PARM1: variants seen among roughly 807,000 people sequenced by gnomAD.
PARM1 encodes WSC4, cell wall integrity and stress response component 4 homolog.
A neutral mutation model predicts 24.6 loss-of-function variants in PARM1; 14 were observed. The ratio of observed to expected loss-of-function variants is 0.57; its 90% CI spans 0.38 to 0.89. PARM1 has a LOEUF of 0.89. PARM1 is among the 40% of genes least tolerant of loss of function. The probability of loss-of-function intolerance (pLI) is 0.00; values close to 1 mark genes in which losing one functional copy is unlikely to be tolerated. For synonymous variants in PARM1, 179 were observed against 156.6 expected (o/e 1.14, Z -1.07); for missense variants, 362 against 380.4 (o/e 0.95, Z 0.40).
chr4:75,029,293 T>C (rs552633896), intron 2 of PARM1, among the ~76,000 whole-genome samples: 3 of 152,184 alleles, frequency 2.0e-5, no homozygotes, highest in Non-Finnish European at 4.4e-5. Context: ...TCTGGCTGCT[T>C]CCAGGATGTT....
At chr4:74,993,951 C>G (rs1169827611) in intron 1 of PARM1, 2 of 152,000 alleles carry the variant, frequency 1.3e-5, no homozygotes, top group African/African-American at 2.4e-5. Context: ...GTCTAAGGAA[C>G]AGACAATAGA....
chr4:74,948,775 C>T (rs143442010), intron 1 of PARM1, among the ~76,000 whole-genome samples: 1 of 152,316 alleles, frequency 6.6e-6, no homozygotes, highest in African/African-American at 2.4e-5. Context: ...GTAATCCCAG[C>T]ATTTTGGGAG....
intron 1 of PARM1, among the ~76,000 whole-genome samples, chr4:74,972,452 A>G (rs1484043391): frequency 6.6e-6 from 1 of 152,248 alleles, no homozygotes; most frequent in Non-Finnish European, 1.5e-5. Flanking sequence ...AAATAACTTC[A>G]GAAAGAAGCA....
intron 1 of PARM1, among the ~76,000 whole-genome samples, chr4:75,003,937 T>C (rs1391774724): frequency 3.9e-5 from 6 of 152,196 alleles, no homozygotes; most frequent in African/African-American, 1.4e-4. Flanking sequence ...AATGTAAAGA[T>C]GTTAAAACTA....
At chr4:75,042,948 A>G (rs77356447) in intron 3 of PARM1, among the ~76,000 whole-genome samples, 1 of 133,080 alleles carries the variant, frequency 7.5e-6, no homozygotes, top group East Asian at 2.0e-4. Flanking sequence ...AATGGGAAGG[A>G]AAAAAAAAAA....
intron 1 of PARM1, among the ~76,000 whole-genome samples, chr4:75,010,879 A>G (rs918184037): frequency 1.3e-5 from 2 of 152,196 alleles, no homozygotes; most frequent in Non-Finnish European, 1.5e-5. Context: ...AGGCCGGGTA[A>G]TTTATAAAGA....
chr4:74,937,145 C>T (rs560641133), intron 1 of PARM1, among the ~76,000 whole-genome samples: 1 of 152,348 alleles, frequency 6.6e-6, no homozygotes, highest in Admixed American at 6.5e-5. Context: ...AGACTTACTT[C>T]ACCCTGCACA....
chr4:75,009,203 T>C (rs1435727370), intron 1 of PARM1, among the ~76,000 whole-genome samples: 3 of 152,222 alleles, frequency 2.0e-5, no homozygotes, highest in Non-Finnish European at 4.4e-5. Flanking sequence ...CTCCTGAAGC[T>C]TATGGCCTTG....
chr4:75,034,890 A>C (rs1382328321), intron 3 of PARM1: 2 of 152,374 alleles, frequency 1.3e-5, no homozygotes, highest in Non-Finnish European at 2.9e-5. Context: ...TGAGAATTAA[A>C]TTGTAACTCC....
chr4:75,020,496 C>G (rs574174748), intron 2 of PARM1, among the ~76,000 whole-genome samples: 74 of 152,090 alleles, frequency 4.9e-4, no homozygotes, highest in South Asian at 1.9e-3. Context: ...CTCATTTCCC[C>G]CCCCCCGCAC....
At chr4:74,991,377 G>A (rs1722463187) in intron 1 of PARM1, among the ~76,000 whole-genome samples, 1 of 152,122 alleles carries the variant, frequency 6.6e-6, no homozygotes, top group African/African-American at 2.4e-5. Context: ...TTGACACCTA[G>A]ACAGAGTTTC....
At chr4:74,989,099 A>G (rs568474283) in intron 1 of PARM1, among the ~76,000 whole-genome samples, 35 of 152,318 alleles carry the variant, frequency 2.3e-4, no homozygotes, top group Middle Eastern at 3.4e-3. Flanking sequence ...AATACAACAC[A>G]GCACCTCCAG....
At chr4:74,944,668 T>A (rs1721377170) in intron 1 of PARM1, among the ~76,000 whole-genome samples, 1 of 152,148 alleles carries the variant, frequency 6.6e-6, no homozygotes. Flanking sequence ...GCCTCCCATC[T>A]CAAAGACAAG....
chr4:75,004,673 A>G (rs1437635085), intron 1 of PARM1, among the ~76,000 whole-genome samples: 1 of 152,142 alleles, frequency 6.6e-6, no homozygotes, highest in East Asian at 1.9e-4. Context: ...TATCCCAAAG[A>G]CAGTAGGAAT....
At chr4:75,025,022 T>A (rs977616766) in intron 2 of PARM1, among the ~76,000 whole-genome samples, 5 of 152,216 alleles carry the variant, frequency 3.3e-5, no homozygotes, top group Non-Finnish European at 7.3e-5. Flanking sequence ...TCCATAGTCA[T>A]GTCTTGTTTT....
intron 1 of PARM1, among the ~76,000 whole-genome samples, chr4:74,961,417 C>A (rs1348308362): frequency 3.9e-5 from 6 of 152,004 alleles, no homozygotes; most frequent in East Asian, 1.9e-4. Flanking sequence ...TGAAAACTTT[C>A]CAAATTTAAT....
chr4:75,015,943 C>G (rs1348093034), intron 2 of PARM1, among the ~76,000 whole-genome samples: 1 of 152,170 alleles, frequency 6.6e-6, no homozygotes, highest in East Asian at 1.9e-4. Flanking sequence ...CTTTATGCTG[C>G]CTTTAGTAGT....
In PARM1 at chr4:75,033,981, TAA is replaced by T; in HGVS notation, c.848+27_848+28del. On this transcript the variant is annotated intron_variant, in intron 3 of 3. Coordinates refer to ENST00000307428, the MANE Select transcript of PARM1 (RefSeq NM_015393.4). ...AATCAGGTGAGACGCAGCTTACTCTTAAAAAAAAGGGATTCTGTTTTGTTGGG... is the reference window on the plus strand; with the variant it reads ...AATCAGGTGAGACGCAGCTTACTCTTAAAAAAGGGATTCTGTTTTGTTGGG... 1 of 1,566,094 alleles carries T rather than the reference TAA, an allele frequency of 6.4e-7. No individual in the cohort carries two copies. The highest frequency in any genetic ancestry group is 8.7e-7 in the Non-Finnish European group (1 of 1,151,644).
chr4:75,020,492 T>TCC (rs34039245), intron 2 of PARM1, among the ~76,000 whole-genome samples: 12 of 141,780 alleles, frequency 8.5e-5, no homozygotes, highest in South Asian at 2.3e-4. Context: ...GCCCCTCATT[T>TCC]CCCCCCCCCC....
Sources: allele counts gnomAD v4.1 joint callset (sites outside exome capture counted in the v4.1 genomes callset), GRCh38; gene constraint gnomAD v4.1.1; transcripts MANE v1.5; gene names NCBI Gene and HGNC (gene_info 2026-07-23, HGNC 2026-07-21).